The following NCKAP5 variants were observed in gnomAD, a reference collection of about 807,000 sequenced individuals.
NCKAP5 encodes nck-associated protein 5.
A neutral mutation model predicts 167.0 loss-of-function variants in NCKAP5; 92 were observed. That is an observed-to-expected ratio of 0.55 (90% CI 0.47 to 0.66). The LOEUF is 0.66. Ranked by LOEUF, NCKAP5 falls within the 30% of genes least tolerant of loss-of-function variation. The probability of loss-of-function intolerance (pLI) is 0.00; values close to 1 mark genes in which losing one functional copy is unlikely to be tolerated. For missense variants in NCKAP5, 2,378 were observed against 2,315.0 expected, an observed-to-expected ratio of 1.03 and a Z score of -0.56; for synonymous variants, 891 against 877.4, an observed-to-expected ratio of 1.02 and a Z score of -0.27.
chr2:133,012,300 G>T (rs4594500), intron 6 of NCKAP5, among the ~76,000 whole-genome samples: 131,724 of 152,154 alleles, frequency 0.87, 57,477 homozygotes, highest in African/African-American at 0.96. Context: ...CAGGCTGGAG[G>T]GCAGTGGTGC....
At chr2:133,601,870 T>C in the NCKAP5 span, among the ~76,000 whole-genome samples, 1 of 152,222 alleles carries the variant, frequency 6.6e-6, no homozygotes, top group African/African-American at 2.4e-5. Flanking sequence ...GCAGTCATAG[T>C]ACAGCAGAAG....
chr2:132,681,192 C>A (rs1685178058), intron 19 of NCKAP5, among the ~76,000 whole-genome samples: 1 of 151,698 alleles, frequency 6.6e-6, no homozygotes, highest in Admixed American at 6.6e-5. Flanking sequence ...TTGAGCAGTT[C>A]CTGAGATGAG....
At chr2:133,242,913 T>A (rs1209886267) in intron 4 of NCKAP5, among the ~76,000 whole-genome samples, 2 of 152,158 alleles carry the variant, frequency 1.3e-5, no homozygotes, top group African/African-American at 4.8e-5. Context: ...AAGCGTTAGA[T>A]GACCATAAAA....
rs557505648 is a variant in NCKAP5, at chr2:132,831,621, T to C, written c.807+28871A>G. Among the ~76,000 whole-genome samples, 9 of 152,248 alleles carry C rather than the reference T, an allele frequency of 5.9e-5. No individual in the cohort carries two copies. In the South Asian group the frequency reaches 1.7e-3, roughly 28 times the overall value. On this transcript the variant is annotated intron_variant, in intron 11 of 19. Transcript: ENST00000409261. ...TGACTGGTAGGGGCTCTTTATATAT[T>C]AATAGTATGGATATTAATATTGGAA...
chr2:133,005,366 G>A (rs541004122), intron 6 of NCKAP5, among the ~76,000 whole-genome samples: 1 of 152,082 alleles, frequency 6.6e-6, no homozygotes, highest in African/African-American at 2.4e-5. Context: ...TGCTTCAGCT[G>A]GTCCCTCCAT....
intron 2 of NCKAP5, among the ~76,000 whole-genome samples, chr2:133,546,518 T>C (rs189715924): frequency 1.3e-5 from 2 of 152,284 alleles, no homozygotes; most frequent in African/African-American, 2.4e-5. Context: ...TATCACGCGA[T>C]GTGTGCTTTG....
intron 3 of NCKAP5, among the ~76,000 whole-genome samples, chr2:133,496,894 G>C (rs529833576): frequency 1.1e-4 from 16 of 152,274 alleles, no homozygotes; most frequent in African/African-American, 3.8e-4. Flanking sequence ...CTTGCAAAAA[G>C]TAGGCACCAT....
intron 4 of NCKAP5, among the ~76,000 whole-genome samples, chr2:133,286,260 T>G (rs560096196): frequency 6.6e-6 from 1 of 152,104 alleles, no homozygotes; most frequent in Non-Finnish European, 1.5e-5. Context: ...CCTCCCAAAG[T>G]GCTGGGATTA....
chr2:133,242,119 CAAAA>C (rs1176776551), intron 4 of NCKAP5, among the ~76,000 whole-genome samples: 13 of 48,274 alleles, frequency 2.7e-4, no homozygotes, highest in African/African-American at 8.3e-4. Context: ...AACTCTGTCT[CAAAA>C]AAAAAAAAAA....
At chr2:133,533,079 T>G (rs1475250339) in intron 2 of NCKAP5, among the ~76,000 whole-genome samples, 1 of 152,236 alleles carries the variant, frequency 6.6e-6, no homozygotes, top group African/African-American at 2.4e-5. Flanking sequence ...CACACTCATT[T>G]AAAGAAGTAC....
chr2:133,362,088 G>A (rs1184242046), intron 3 of NCKAP5, among the ~76,000 whole-genome samples: 3 of 152,152 alleles, frequency 2.0e-5, no homozygotes, highest in Admixed American at 6.5e-5. Context: ...GGGAGTGTTA[G>A]GTTAAGGCTG....
At chr2:132,719,485 A>C (rs751920447) in intron 19 of NCKAP5, among the ~76,000 whole-genome samples, 1 of 152,200 alleles carries the variant, frequency 6.6e-6, no homozygotes, top group African/African-American at 2.4e-5. Flanking sequence ...TACCTAGGAG[A>C]GTGGACTGTG....
intron 11 of NCKAP5, among the ~76,000 whole-genome samples, chr2:132,830,428 C>T (rs72847250): frequency 0.17 from 25,761 of 151,806 alleles, 2,565 homozygotes; most frequent in East Asian, 0.29. Flanking sequence ...TCTGTTTCCC[C>T]CCTTGCAGTG....
At chr2:133,391,830 G>T (rs974969392) in intron 3 of NCKAP5, among the ~76,000 whole-genome samples, 3 of 152,162 alleles carry the variant, frequency 2.0e-5, no homozygotes, top group Non-Finnish European at 4.4e-5. Flanking sequence ...TTACTCACAA[G>T]TGAAATTTAA....
chr2:133,331,487 T>C (rs1682851931), intron 3 of NCKAP5, among the ~76,000 whole-genome samples: 1 of 152,228 alleles, frequency 6.6e-6, no homozygotes, highest in Non-Finnish European at 1.5e-5. Context: ...TTTCCTCCCA[T>C]GTCCCTCTCC....
In NCKAP5 at chr2:133,028,797, T is replaced by G. The variant is rs147240711; in HGVS notation, c.342-34558A>C. 6.4e-4 allele frequency among the ~76,000 whole-genome samples: 97 copies of G among 152,290 alleles called. 1 individual carries two copies. The highest frequency in any genetic ancestry group is 2.2e-3 in the African/African-American group (93 of 41,554). On this transcript the variant is annotated intron_variant, in intron 6 of 19. Coordinates refer to ENST00000409261, the MANE Select transcript of NCKAP5 (RefSeq NM_207363.3). ...GAGGTAACTGGATCACGGTGATGAA[T>G]TTCTCATGGATGGCTTAGCATAATC...
At chr2:133,527,995 G>A (rs1286845659) in intron 2 of NCKAP5, among the ~76,000 whole-genome samples, 2 of 152,128 alleles carry the variant, frequency 1.3e-5, no homozygotes, top group African/African-American at 4.8e-5. Context: ...AGCCTGAGAG[G>A]TTGAGGCTAC....
chr2:132,809,519 GTC>G (rs1685693899), intron 11 of NCKAP5, among the ~76,000 whole-genome samples: 1 of 116,436 alleles, frequency 8.6e-6, no homozygotes, highest in Non-Finnish European at 1.6e-5. Flanking sequence ...ATTATATAAT[GTC>G]TCTCTTTGTC....
chr2:133,669,667 C>T, the NCKAP5 span, among the ~76,000 whole-genome samples: 1 of 152,094 alleles, frequency 6.6e-6, no homozygotes, highest in African/African-American at 2.4e-5. Flanking sequence ...TGACAGAATC[C>T]AAAGACTTGA....
Sources: allele counts gnomAD v4.1 joint callset (sites outside exome capture counted in the v4.1 genomes callset), GRCh38; gene constraint gnomAD v4.1.1; transcripts MANE v1.5; gene names NCBI Gene and HGNC (gene_info 2026-07-23, HGNC 2026-07-21).